ANTXR1: variants seen among roughly 807,000 people sequenced by gnomAD.
ANTXR1 encodes anthrax toxin receptor 1.
A neutral mutation model predicts 78.1 loss-of-function variants in ANTXR1; 19 were observed. That is an observed-to-expected ratio of 0.24 (90% CI 0.17 to 0.36). The LOEUF is 0.36. ANTXR1 is among the 10% of genes least tolerant of loss of function. The pLI is 1.00. For missense variants in ANTXR1, 518 were observed against 718.6 expected, an observed-to-expected ratio of 0.72 and a Z score of 3.19; for synonymous variants, 273 against 260.5, an observed-to-expected ratio of 1.05 and a Z score of -0.46.
Position 69,098,590 on chromosome 2 carries a change from G to A in ANTXR1, c.704-4252G>A, listed in dbSNP as rs142471508. Among the ~76,000 whole-genome samples the A allele has an allele frequency of 7.4e-3, 1,126 of 152,318 alleles. 14 individuals carry two copies. Among genetic ancestry groups the A allele is most frequent in the Admixed American group, 0.035 (535 of 15,302 alleles). Reference sequence around the variant, plus strand: ...AAAGGAAACCAAAGAAATAAAAGGAGAGAACAGAATGGAATAAATCTATCG... The same window carrying A: ...AAAGGAAACCAAAGAAATAAAAGGAAAGAACAGAATGGAATAAATCTATCG... On this transcript the variant is annotated intron_variant, in intron 9 of 17. Coordinates refer to ENST00000303714, the MANE Select transcript of ANTXR1 (RefSeq NM_032208.3).
rs572549672 is a variant in ANTXR1 at position 69,236,373 on chromosome 2, T to C, written c.1435-8852T>C. ...GTATACACACATATATCTTTACATA[T>C]ATACACACACATTTTAAAAACTTTC... is the stretch of plus-strand genomic sequence containing the variant. On this transcript the variant is annotated intron_variant, in intron 17 of 17. Coordinates refer to ENST00000303714, the MANE Select transcript of ANTXR1 (RefSeq NM_032208.3). 3.9e-5 allele frequency among the ~76,000 whole-genome samples: 6 copies of C among 152,294 alleles called. No homozygotes were observed. In the South Asian group the frequency reaches 1.2e-3, roughly 32 times the overall value.
At chr2:69,183,947 A>G (rs1283928798) in intron 16 of ANTXR1, among the ~76,000 whole-genome samples, 2 of 151,976 alleles carry the variant, frequency 1.3e-5, no homozygotes, top group Non-Finnish European at 2.9e-5. Context: ...AAGGCCCCCA[A>G]CTCAGGGCTA....
At chr2:69,220,441 G>A (rs1278292106) in intron 17 of ANTXR1, among the ~76,000 whole-genome samples, 2 of 152,140 alleles carry the variant, frequency 1.3e-5, no homozygotes, top group East Asian at 1.9e-4. Context: ...TCTAAATGTA[G>A]GTAAATAGAC....
At chr2:69,204,114 T>C (rs1443453582) in intron 17 of ANTXR1, among the ~76,000 whole-genome samples, 5 of 152,166 alleles carry the variant, frequency 3.3e-5, no homozygotes, top group Non-Finnish European at 7.4e-5. Flanking sequence ...TCTGCGGGCC[T>C]GCTCCTCCAG....
chr2:69,063,931 T>C (rs1295036472), intron 3 of ANTXR1, among the ~76,000 whole-genome samples: 1 of 151,762 alleles, frequency 6.6e-6, no homozygotes, highest in East Asian at 1.9e-4. Flanking sequence ...TTTTAAAAGC[T>C]AATAGATGAT....
At chr2:69,136,222 C>A (rs1672906851) in intron 12 of ANTXR1, among the ~76,000 whole-genome samples, 1 of 152,154 alleles carries the variant, frequency 6.6e-6, no homozygotes, top group Non-Finnish European at 1.5e-5. Flanking sequence ...ACTGATCAGT[C>A]ACTTATTTTC....
intron 3 of ANTXR1, among the ~76,000 whole-genome samples, chr2:69,057,182 C>A (rs568049405): frequency 1.1e-4 from 16 of 152,222 alleles, no homozygotes; most frequent in African/African-American, 3.9e-4. Flanking sequence ...TATTCATAGA[C>A]AATTTGTTTC....
intron 16 of ANTXR1, 60 bp from the exon 17 acceptor site, chr2:69,193,271 GCCTA>G: frequency 6.9e-7 from 1 of 1,439,696 alleles, no homozygotes; most frequent in Non-Finnish European, 9.8e-7. Context: ...AGTTCTGTGA[GCCTA>G]CGGCGGCTAG....
In ANTXR1 at chr2:69,119,003, C is replaced by T. The variant is rs899412808; in HGVS notation, c.803-4014C>T. Among the ~76,000 whole-genome samples the T allele has an allele frequency of 3.3e-5, 5 of 152,182 alleles. No homozygotes were observed. The South Asian group carries it at 1.0e-3, about 32-fold the overall frequency. Reference sequence around the variant, plus strand: ...GGAGGAAGGTCTTCCACAGCCTCAGCGAAGCCTTTGCAGGCCTCCCAGTGA... The same window carrying T: ...GGAGGAAGGTCTTCCACAGCCTCAGTGAAGCCTTTGCAGGCCTCCCAGTGA... On this transcript the variant is annotated intron_variant, in intron 10 of 17. Coordinates refer to ENST00000303714, the MANE Select transcript of ANTXR1 (RefSeq NM_032208.3).
chr2:69,144,051 A>T lies in ANTXR1; in HGVS notation c.952-8118A>T, dbSNP rs115809022. Among the ~76,000 whole-genome samples, 1,023 of 152,346 alleles carry T rather than the reference A, an allele frequency of 6.7e-3. 11 individuals are homozygous for T. The highest frequency in any genetic ancestry group is 0.024 in the African/African-American group (978 of 41,574). ...GCAGTAATAAAATGGCTTAAATTTC[A>T]TCTTTCAAAATAAAAATTGCCCATG... On this transcript the variant is annotated intron_variant, in intron 12 of 17. Coordinates refer to ENST00000303714, the MANE Select transcript of ANTXR1 (RefSeq NM_032208.3).
intron 3 of ANTXR1, among the ~76,000 whole-genome samples, chr2:69,063,233 G>A (rs1170078313): frequency 6.6e-6 from 1 of 151,940 alleles, no homozygotes; most frequent in Non-Finnish European, 1.5e-5. Flanking sequence ...CATCACCTAA[G>A]TGCATCATAG....
intron 12 of ANTXR1, chr2:69,145,535 C>T (rs1200040347): frequency 2.1e-6 from 3 of 1,427,926 alleles, no homozygotes; most frequent in African/African-American, 1.4e-5. Flanking sequence ...TGGAAAGAAA[C>T]ATCAGGAGGG....
At chr2:69,105,258 G>C (rs1671767514) in intron 10 of ANTXR1, among the ~76,000 whole-genome samples, 1 of 152,108 alleles carries the variant, frequency 6.6e-6, no homozygotes, top group South Asian at 2.1e-4. Context: ...ATATGCACAG[G>C]CTTGTCACCT....
chr2:69,018,272 C>T (rs1021304029), intron 1 of ANTXR1, among the ~76,000 whole-genome samples: 4 of 152,152 alleles, frequency 2.6e-5, no homozygotes, highest in Non-Finnish European at 5.9e-5. Flanking sequence ...CCCTTCTGTT[C>T]GGCACCAGTT....
chr2:69,129,552 G>T (rs1672656825), intron 12 of ANTXR1, among the ~76,000 whole-genome samples: 1 of 152,082 alleles, frequency 6.6e-6, no homozygotes, highest in East Asian at 1.9e-4. Flanking sequence ...AAGAGATCGA[G>T]ACCATCCTGG....
chr2:69,194,554 A>G (rs1016512651), intron 17 of ANTXR1, among the ~76,000 whole-genome samples: 3 of 152,150 alleles, frequency 2.0e-5, no homozygotes, highest in African/African-American at 7.2e-5. Flanking sequence ...TGTTGAACAC[A>G]CGGAAATGCT....
chr2:69,179,848 A>G (rs1674229596), intron 14 of ANTXR1, among the ~76,000 whole-genome samples: 1 of 152,264 alleles, frequency 6.6e-6, no homozygotes, highest in Admixed American at 6.5e-5. Context: ...TGACTGGCAC[A>G]TAACATGGGA....
At chr2:69,145,281 C>T in intron 12 of ANTXR1, 1 of 1,545,174 alleles carries the variant, frequency 6.5e-7, no homozygotes, top group Middle Eastern at 1.7e-4. Context: ...AGGGGAGTAG[C>T]CCTTATAATT....
At chr2:69,116,673 A>G (rs572408747) in intron 10 of ANTXR1, among the ~76,000 whole-genome samples, 34 of 152,312 alleles carry the variant, frequency 2.2e-4, no homozygotes, top group Admixed American at 1.9e-3. Flanking sequence ...GAATGTCACT[A>G]TGGGAATGTA....
Sources: gnomAD v4.1 joint callset for allele counts (sites outside exome capture counted in the v4.1 genomes callset) on GRCh38, gnomAD v4.1.1 for gene constraint, MANE v1.5 for transcripts, NCBI Gene and HGNC (gene_info 2026-07-23, HGNC 2026-07-21) for gene names.